The following COL13A1 variants were observed in gnomAD, a reference collection of about 807,000 sequenced individuals.
COL13A1 encodes collagen type XIII alpha 1 chain, also known as collagen alpha-1(XIII) chain.
COL13A1 carries 89 observed loss-of-function variants against 130.9 expected under a neutral mutation model. The ratio of observed to expected loss-of-function variants is 0.68; its 90% CI spans 0.57 to 0.81. COL13A1 has a LOEUF of 0.81. Among genes scored for constraint, COL13A1 ranks in the 30% least tolerant of loss-of-function variants. COL13A1 has a pLI of 0.00. For missense variants in COL13A1, 879 were observed against 934.6 expected (o/e 0.94, Z 0.78); for synonymous variants, 402 against 341.6 (o/e 1.18, Z -1.95).
chr10:69,842,008 T>C (rs3886687), intron 2 of COL13A1, among the ~76,000 whole-genome samples: 1 of 152,034 alleles, frequency 6.6e-6, no homozygotes, highest in Non-Finnish European at 1.5e-5. Flanking sequence ...AGCAGGACCA[T>C]GACCTAACCA....
At chr10:69,896,420 C>T (rs1436730289) in intron 13 of COL13A1, among the ~76,000 whole-genome samples, 1 of 152,194 alleles carries the variant, frequency 6.6e-6, no homozygotes, top group African/African-American at 2.4e-5. Context: ...TGTGGATTGG[C>T]CTCGTTGCTC....
At chr10:69,830,389 A>G (rs1011488927) in intron 2 of COL13A1, among the ~76,000 whole-genome samples, 2 of 152,262 alleles carry the variant, frequency 1.3e-5, no homozygotes, top group African/African-American at 4.8e-5. Context: ...ACTTTCATCA[A>G]TGAAAATGCA....
At chr10:69,910,363 G>A (rs150641972) in intron 17 of COL13A1, among the ~76,000 whole-genome samples, 22 of 152,100 alleles carry the variant, frequency 1.4e-4, no homozygotes, top group Admixed American at 4.6e-4. Flanking sequence ...GGATGTGAGC[G>A]GGACCTGTGG....
At chr10:69,804,713 C>T (rs937370850) in intron 1 of COL13A1, among the ~76,000 whole-genome samples, 6 of 142,196 alleles carry the variant, frequency 4.2e-5, no homozygotes, top group South Asian at 4.5e-4. Context: ...GAGCCTGCTG[C>T]GGGTCAGGCA....
intron 5 of COL13A1, among the ~76,000 whole-genome samples, chr10:69,877,088 T>C (rs1439011103): frequency 6.6e-6 from 1 of 152,232 alleles, no homozygotes; most frequent in Non-Finnish European, 1.5e-5. Context: ...CTACTCTGGC[T>C]GCTGGTGCTA....
intron 2 of COL13A1, among the ~76,000 whole-genome samples, chr10:69,845,476 A>G (rs1379967026): frequency 6.6e-6 from 1 of 152,066 alleles, no homozygotes; most frequent in African/African-American, 2.4e-5. Context: ...TACAGGTGTG[A>G]GCCACCGCAC....
chr10:69,844,470 C>T (rs935035432), intron 2 of COL13A1, among the ~76,000 whole-genome samples: 2 of 152,202 alleles, frequency 1.3e-5, no homozygotes, highest in African/African-American at 2.4e-5. Context: ...GCTTCCATCG[C>T]AAACATAAGG....
chr10:69,877,903 A>G, intron 5 of COL13A1, 136 bp from the exon 6 acceptor site: 2 of 640,096 alleles, frequency 3.1e-6, no homozygotes, highest in South Asian at 1.7e-5. Flanking sequence ...TTTGTTTCTT[A>G]TTTCACAGTG....
intron 3 of COL13A1, among the ~76,000 whole-genome samples, 165 bp from the exon 4 acceptor site, chr10:69,872,019 G>A (rs1299112728): frequency 6.6e-6 from 1 of 152,198 alleles, no homozygotes; most frequent in African/African-American, 2.4e-5. Flanking sequence ...CTGGAAGGAA[G>A]CTTTATAAGC....
intron 18 of COL13A1, among the ~76,000 whole-genome samples, chr10:69,917,845 C>A (rs2064117247): frequency 6.6e-6 from 1 of 152,086 alleles, no homozygotes; most frequent in South Asian, 2.1e-4. Flanking sequence ...AAATCAGCCC[C>A]TTTACTTTGT....
At chr10:69,868,824 A>G (rs1181816441) in intron 3 of COL13A1, among the ~76,000 whole-genome samples, 2 of 152,192 alleles carry the variant, frequency 1.3e-5, no homozygotes, top group African/African-American at 4.8e-5. Flanking sequence ...CTGTCATGTC[A>G]TTACTTGAAA....
intron 23 of COL13A1, 54 bp downstream of exon 23, chr10:69,922,848 T>C (rs1466640716): frequency 3.9e-6 from 5 of 1,265,898 alleles, no homozygotes; most frequent in Non-Finnish European, 4.4e-6. Context: ...GGACTTTGTC[T>C]TCAGCCTGTT....
chr10:69,895,534 TC>T lies in COL13A1; in HGVS notation c.658-13del. On this transcript the variant is annotated splice_polypyrimidine_tract_variant and intron_variant, in intron 12 of 40. Transcript: ENST00000645393. ...CAAGTGCCTAACACCACCTTTCCCT[TC>T]CCTCTCCTTCCCAGGGTCAGTGTGG... 6.2e-7 allele frequency: 1 copy of T among 1,613,850 alleles called. No individual in the cohort carries two copies. Among genetic ancestry groups the T allele is most frequent in the South Asian group, 1.1e-5 (1 of 91,072 alleles).
rs1211400681 is a variant in COL13A1 at position 69,863,942 on chromosome 10, T to C, written c.365-3856T>C. Among the ~76,000 whole-genome samples, 7 of 151,840 alleles carry C rather than the reference T, an allele frequency of 4.6e-5. No individual in the cohort carries two copies. The South Asian group carries it at 1.5e-3, about 32-fold the overall frequency. On this transcript the variant is annotated intron_variant, in intron 2 of 40. Coordinates refer to ENST00000645393, the MANE Select transcript of COL13A1 (RefSeq NM_001368882.1). Reference sequence around the variant, plus strand: ...AAATACAGAAATTAGCCAGGTGTGGTGTGTGGTCTCAGCTACTCGGGAGGC... The same window carrying C: ...AAATACAGAAATTAGCCAGGTGTGGCGTGTGGTCTCAGCTACTCGGGAGGC...
intron 1 of COL13A1, among the ~76,000 whole-genome samples, chr10:69,807,952 C>T (rs1301002006): frequency 6.6e-6 from 1 of 152,224 alleles, no homozygotes; most frequent in East Asian, 1.9e-4. Context: ...AGCTTACATG[C>T]AGCCTCAGAA....
intron 2 of COL13A1, among the ~76,000 whole-genome samples, chr10:69,846,849 G>A (rs1253401073): frequency 2.0e-5 from 3 of 152,226 alleles, no homozygotes; most frequent in South Asian, 2.1e-4. Context: ...GTGCAGACAC[G>A]TGGGGCAGGA....
chr10:69,826,624 C>G (rs1451938404), intron 2 of COL13A1, among the ~76,000 whole-genome samples: 2 of 152,154 alleles, frequency 1.3e-5, no homozygotes, highest in African/African-American at 4.8e-5. Flanking sequence ...CAAGGAGAGG[C>G]CTTGGAGGTT....
At chr10:69,889,476 T>G (rs1273609822) in intron 10 of COL13A1, 36 bp downstream of exon 10, 1 of 1,605,984 alleles carries the variant, frequency 6.2e-7, no homozygotes, top group African/African-American at 1.3e-5. Context: ...CCGAGATGGG[T>G]GGGGGTTGGC....
At chr10:69,822,024 CAGAAAA>C (rs1265182995) in intron 1 of COL13A1, among the ~76,000 whole-genome samples, 13 of 152,178 alleles carry the variant, frequency 8.5e-5, no homozygotes, top group Non-Finnish European at 1.9e-4. Flanking sequence ...CAGTCCAAGG[CAGAAAA>C]CAATTAGCAG....
Sources: gnomAD v4.1 joint callset for allele counts (sites outside exome capture counted in the v4.1 genomes callset) on GRCh38, gnomAD v4.1.1 for gene constraint, MANE v1.5 for transcripts, NCBI Gene and HGNC (gene_info 2026-07-23, HGNC 2026-07-21) for gene names.